Variants in RNLS observed in about 807,000 individuals in gnomAD.
RNLS encodes renalase, FAD dependent amine oxidase, also known as renalase.
In RNLS, 39 loss-of-function variants were observed where a neutral mutation model predicts 39.8. The ratio of observed to expected loss-of-function variants is 0.98; its 90% CI spans 0.76 to 1.28. The LOEUF (loss-of-function observed/expected upper bound fraction) is 1.28. Among genes scored for constraint, RNLS ranks in the 50% most tolerant of loss-of-function variants. The pLI is 0.00. For synonymous variants in RNLS, 147 were observed against 150.7 expected (o/e 0.98, Z 0.18); for missense variants, 410 against 413.3 (o/e 0.99, Z 0.07).
chr10:88,444,009 G>A (rs527988939), intron 4 of RNLS, among the ~76,000 whole-genome samples: 51 of 152,312 alleles, frequency 3.3e-4, no homozygotes, highest in African/African-American at 1.2e-3. Flanking sequence ...ATGTGAGAAC[G>A]GACAGACTGC....
chr10:88,279,638 C>T (rs1448605308), downstream of RNLS, among the ~76,000 whole-genome samples: 3 of 150,298 alleles, frequency 2.0e-5, no homozygotes, highest in Non-Finnish European at 3.0e-5. Flanking sequence ...TAACTCACTC[C>T]TAGTTTTCAC....
At chr10:88,382,251 A>G (rs1487511824) in intron 4 of RNLS, among the ~76,000 whole-genome samples, 2 of 152,152 alleles carry the variant, frequency 1.3e-5, no homozygotes, top group Non-Finnish European at 2.9e-5. Flanking sequence ...TGACAGGTAC[A>G]GTGGAGTGTA....
At chr10:88,519,126 C>A (rs1037570797) in intron 4 of RNLS, among the ~76,000 whole-genome samples, 2 of 151,980 alleles carry the variant, frequency 1.3e-5, no homozygotes, top group Non-Finnish European at 2.9e-5. Context: ...TCCTCCCAGG[C>A]ATTTCTGTAT....
chr10:88,564,440 G>T (rs1204868595), intron 4 of RNLS, among the ~76,000 whole-genome samples: 1 of 152,070 alleles, frequency 6.6e-6, no homozygotes, highest in Non-Finnish European at 1.5e-5. Flanking sequence ...AGAGGGTGGG[G>T]GGTGGAGATG....
intron 4 of RNLS, among the ~76,000 whole-genome samples, chr10:88,569,581 A>C (rs1009664773): frequency 6.6e-6 from 1 of 152,212 alleles, no homozygotes; most frequent in Non-Finnish European, 1.5e-5. Context: ...AAAGTAAATG[A>C]ATCAAAATGA....
chr10:88,579,872 T>C, intron 3 of RNLS, among the ~76,000 whole-genome samples: 1 of 152,184 alleles, frequency 6.6e-6, no homozygotes, highest in East Asian at 1.9e-4. Context: ...TATCAGTAGA[T>C]CAAGTAATGC....
At chr10:88,264,703 T>C in the RNLS span, among the ~76,000 whole-genome samples, 6 of 152,248 alleles carry the variant, frequency 3.9e-5, no homozygotes, top group African/African-American at 1.4e-4. Context: ...TTCTTGCTAA[T>C]TTGTTTGAAT....
At chr10:88,448,019 A>T (rs571370699) in intron 4 of RNLS, among the ~76,000 whole-genome samples, 110 of 152,358 alleles carry the variant, frequency 7.2e-4, no homozygotes, top group Non-Finnish European at 1.4e-3. Context: ...AAGATGGATT[A>T]AAGACTTAAA....
the RNLS span, among the ~76,000 whole-genome samples, chr10:88,182,676 T>C: frequency 1.3e-3 from 191 of 152,074 alleles, no homozygotes; most frequent in African/African-American, 4.5e-3. Context: ...TCCATGTATT[T>C]GTGTATGTGT....
chr10:88,179,072 A>G, the RNLS span, among the ~76,000 whole-genome samples: 997 of 152,342 alleles, frequency 6.5e-3, 8 homozygotes, highest in African/African-American at 0.022. Flanking sequence ...AAAGAAAAGG[A>G]CATACATCTC....
intron 6 of RNLS, among the ~76,000 whole-genome samples, chr10:88,304,458 G>A (rs1215087039): frequency 6.6e-6 from 1 of 152,140 alleles, no homozygotes; most frequent in East Asian, 1.9e-4. Flanking sequence ...AACAAGGCAA[G>A]AGCTGACAGA....
At chr10:88,374,970 C>G (rs1391358717) in intron 4 of RNLS, among the ~76,000 whole-genome samples, 1 of 152,110 alleles carries the variant, frequency 6.6e-6, no homozygotes, top group East Asian at 1.9e-4. Context: ...CCCACTTGCT[C>G]TCATTCTTAC....
chr10:88,573,324 T>C (rs1288423166), intron 3 of RNLS, among the ~76,000 whole-genome samples: 2 of 152,186 alleles, frequency 1.3e-5, no homozygotes, highest in Non-Finnish European at 2.9e-5. Context: ...ATAATAACTA[T>C]AGCTACTTTT....
chr10:88,473,056 C>T lies in RNLS; in HGVS notation c.526+99847G>A, dbSNP rs113934747. On this transcript the variant is annotated intron_variant, in intron 4 of 6. Coordinates refer to ENST00000331772, the MANE Select transcript of RNLS (RefSeq NM_001031709.3). ...TACTACACACCTAGGCTAGGTGATA[C>T]AGCCTATTGCTCCTAGGCTACAAAC... is the stretch of plus-strand genomic sequence containing the variant. Among the ~76,000 whole-genome samples the T allele has an allele frequency of 4.7e-3, 714 of 152,288 alleles. 5 individuals are homozygous for T. Among genetic ancestry groups the T allele is most frequent in the African/African-American group, 0.016 (649 of 41,570 alleles).
intron 6 of RNLS, among the ~76,000 whole-genome samples, chr10:88,278,416 ACT>A (rs775380723): frequency 9.9e-5 from 15 of 152,164 alleles, no homozygotes; most frequent in Non-Finnish European, 1.8e-4. Context: ...TCTAGGCCTA[ACT>A]CTTGCCACCT....
the RNLS span, among the ~76,000 whole-genome samples, chr10:88,232,088 G>A: frequency 1.3e-5 from 2 of 152,224 alleles, no homozygotes; most frequent in African/African-American, 2.4e-5. Context: ...CAAAGTTTAG[G>A]AGGGGAAAGT....
At chr10:88,299,524 C>G (rs1393985431) in intron 6 of RNLS, among the ~76,000 whole-genome samples, 1 of 152,156 alleles carries the variant, frequency 6.6e-6, no homozygotes, top group African/African-American at 2.4e-5. Flanking sequence ...ACTCAGGAGC[C>G]TGAGGCAGGA....
At chr10:88,470,235 G>A (rs1440695449) in intron 4 of RNLS, among the ~76,000 whole-genome samples, 1 of 151,954 alleles carries the variant, frequency 6.6e-6, no homozygotes, top group Non-Finnish European at 1.5e-5. Flanking sequence ...TAAATAGTGT[G>A]TCAAGGGGGT....
At chr10:88,286,166 C>G (rs941355972) in intron 6 of RNLS, among the ~76,000 whole-genome samples, 1 of 152,136 alleles carries the variant, frequency 6.6e-6, no homozygotes, top group East Asian at 1.9e-4. Context: ...TTTCTCTCCA[C>G]TACTCCTCAT....
Sources: allele counts gnomAD v4.1 joint callset (sites outside exome capture counted in the v4.1 genomes callset), GRCh38; gene constraint gnomAD v4.1.1; transcripts MANE v1.5; gene names NCBI Gene and HGNC (gene_info 2026-07-23, HGNC 2026-07-21).